FHIT: variants seen among roughly 807,000 people sequenced by gnomAD.
FHIT encodes bis(5'-adenosyl)-triphosphatase.
Under a neutral mutation model 17.9 loss-of-function variants are expected in FHIT, and 19 were observed. That is an observed-to-expected ratio of 1.06 (90% CI 0.74 to 1.56). FHIT has a LOEUF of 1.56. Ranked by LOEUF, FHIT falls within the 40% of genes most tolerant of loss-of-function variation. The pLI, the probability that FHIT is intolerant of heterozygous loss-of-function variation, is 0.00. For synonymous variants in FHIT, 81 were observed against 69.7 expected (o/e 1.16, Z -0.81); for missense variants, 248 against 189.2 (o/e 1.31, Z -1.82).
At chr3:60,326,114 T>C (rs546789718) in intron 5 of FHIT, among the ~76,000 whole-genome samples, 18 of 152,156 alleles carry the variant, frequency 1.2e-4, no homozygotes, top group South Asian at 8.3e-4. Context: ...ACTGGTTTCA[T>C]GGAAGACAAT....
intron 3 of FHIT, among the ~76,000 whole-genome samples, chr3:60,899,610 G>C (rs1553762708): frequency 6.6e-6 from 1 of 152,148 alleles, no homozygotes; most frequent in South Asian, 2.1e-4. Flanking sequence ...GGTTCATGGA[G>C]CTCTTGTCAC....
intron 4 of FHIT, among the ~76,000 whole-genome samples, chr3:60,547,344 C>T (rs1008914629): frequency 1.5e-4 from 23 of 152,066 alleles, no homozygotes; most frequent in Non-Finnish European, 3.2e-4. Flanking sequence ...GACCCTTAGA[C>T]TTGTAGTGAG....
intron 1 of FHIT, among the ~76,000 whole-genome samples, chr3:61,215,877 A>C (rs565643081): frequency 6.6e-6 from 1 of 152,368 alleles, no homozygotes; most frequent in East Asian, 1.9e-4. Flanking sequence ...CAAACCTGAC[A>C]AAAACAAGCA....
intron 2 of FHIT, among the ~76,000 whole-genome samples, chr3:61,051,941 A>G (rs555744461): frequency 9.2e-5 from 14 of 152,354 alleles, no homozygotes; most frequent in African/African-American, 3.1e-4. Context: ...TCCACACACC[A>G]TCAGAAGATA....
chr3:60,981,295 CTTTTT>C (rs71100934), intron 3 of FHIT, among the ~76,000 whole-genome samples: 47 of 124,502 alleles, frequency 3.8e-4, no homozygotes, highest in South Asian at 2.5e-4. Context: ...TTCTTCCTTC[CTTTTT>C]TTTTTTTTTT....
chr3:60,129,350 C>A (rs1699422535), intron 5 of FHIT, among the ~76,000 whole-genome samples: 1 of 152,058 alleles, frequency 6.6e-6, no homozygotes, highest in Non-Finnish European at 1.5e-5. Flanking sequence ...CCTCTTCTTT[C>A]TCTTTCTAAA....
At chr3:60,609,418 C>A (rs1259786025) in intron 4 of FHIT, among the ~76,000 whole-genome samples, 3 of 152,006 alleles carry the variant, frequency 2.0e-5, no homozygotes, top group African/African-American at 7.2e-5. Flanking sequence ...CTCCGCCTCT[C>A]GGGTTCAAGT....
chr3:60,030,795 G>A (rs1341470879), intron 5 of FHIT, among the ~76,000 whole-genome samples: 4 of 152,008 alleles, frequency 2.6e-5, no homozygotes, highest in African/African-American at 9.7e-5. Flanking sequence ...CTAAGGGAAT[G>A]ACTATTAGAA....
chr3:60,521,109 G>C (rs753617592), intron 5 of FHIT, among the ~76,000 whole-genome samples: 8 of 151,958 alleles, frequency 5.3e-5, no homozygotes, highest in Non-Finnish European at 8.8e-5. Context: ...TGTTCACATA[G>C]AAATGCAGTA....
chr3:59,830,042 C>G (rs1051988234), intron 8 of FHIT, among the ~76,000 whole-genome samples: 12 of 152,120 alleles, frequency 7.9e-5, no homozygotes, highest in Admixed American at 6.6e-4. Flanking sequence ...CACCACTGCA[C>G]TCCAGCCTGG....
chr3:59,860,650 C>A (rs1702365860), intron 8 of FHIT, among the ~76,000 whole-genome samples: 2 of 152,104 alleles, frequency 1.3e-5, no homozygotes, highest in African/African-American at 4.8e-5. Flanking sequence ...GAGCACAGGG[C>A]AGTCAGTGTG....
At chr3:60,386,666 T>C (rs1230149767) in intron 5 of FHIT, among the ~76,000 whole-genome samples, 1 of 152,156 alleles carries the variant, frequency 6.6e-6, no homozygotes, top group Non-Finnish European at 1.5e-5. Flanking sequence ...ACTACTATAA[T>C]CATAGCACAC....
intron 8 of FHIT, among the ~76,000 whole-genome samples, chr3:59,774,573 G>T (rs996656114): frequency 1.3e-5 from 2 of 152,172 alleles, no homozygotes; most frequent in Non-Finnish European, 2.9e-5. Flanking sequence ...CTCATCCATA[G>T]TAGGTTCTCA....
chr3:60,048,773 T>A (rs568316941), intron 5 of FHIT, among the ~76,000 whole-genome samples: 1 of 152,332 alleles, frequency 6.6e-6, no homozygotes, highest in Admixed American at 6.5e-5. Context: ...CGTCCTTTGA[T>A]CTTTTTCACC....
chr3:59,848,609 A>G (rs917940843), intron 8 of FHIT, among the ~76,000 whole-genome samples: 8 of 152,216 alleles, frequency 5.3e-5, no homozygotes, highest in Admixed American at 3.9e-4. Context: ...TGAAATTCCC[A>G]AAGTACTTAC....
chr3:60,189,620 C>A (rs1576280007), intron 5 of FHIT, among the ~76,000 whole-genome samples: 1 of 152,160 alleles, frequency 6.6e-6, no homozygotes, highest in Admixed American at 6.5e-5. Context: ...ACACCAGCCT[C>A]CACATTTTAC....
intron 2 of FHIT, among the ~76,000 whole-genome samples, chr3:61,141,173 G>A (rs941135526): frequency 2.0e-5 from 3 of 151,960 alleles, no homozygotes; most frequent in Non-Finnish European, 2.9e-5. Flanking sequence ...CTTTCAAGCC[G>A]ACTCTCGGGG....
chr3:60,162,351 G>T (rs986985211), intron 5 of FHIT, among the ~76,000 whole-genome samples: 7 of 152,086 alleles, frequency 4.6e-5, no homozygotes, highest in Non-Finnish European at 8.8e-5. Flanking sequence ...CTTTATTACA[G>T]AAGAGGTAGA....
At chr3:60,001,409 G>A (rs1025366642) in intron 7 of FHIT, among the ~76,000 whole-genome samples, 6 of 152,156 alleles carry the variant, frequency 3.9e-5, no homozygotes, top group Admixed American at 1.3e-4. Context: ...CTCAGAGCCT[G>A]TGACGATATC....
Sources: gnomAD v4.1 joint callset for allele counts (sites outside exome capture counted in the v4.1 genomes callset) on GRCh38, gnomAD v4.1.1 for gene constraint, MANE v1.5 for transcripts, NCBI Gene and HGNC (gene_info 2026-07-23, HGNC 2026-07-21) for gene names.